The following RPIA variants were observed in gnomAD, a reference collection of about 807,000 sequenced individuals.
RPIA encodes ribose 5-phosphate isomerase A.
A neutral mutation model predicts 37.8 loss-of-function variants in RPIA; 29 were observed. The ratio of observed to expected loss-of-function variants is 0.77; its 90% CI spans 0.57 to 1.05. The LOEUF is 1.05. RPIA is among the 50% of genes least tolerant of loss of function. The pLI is 0.00. For synonymous variants in RPIA, 167 were observed against 157.0 expected (o/e 1.06, Z -0.48); for missense variants, 385 against 413.6 (o/e 0.93, Z 0.60).
At chr2:88,705,423 T>C (rs1339741989) in intron 3 of RPIA, among the ~76,000 whole-genome samples, 1 of 152,202 alleles carries the variant, frequency 6.6e-6, no homozygotes, top group African/African-American at 2.4e-5. Flanking sequence ...TCTACAATCA[T>C]CTGATCTTCG....
chr2:88,727,777 T>C (rs1573473636), intron 3 of RPIA, among the ~76,000 whole-genome samples: 1 of 152,364 alleles, frequency 6.6e-6, no homozygotes, highest in East Asian at 1.9e-4. Context: ...AATCTAAGAA[T>C]TAAGAAATAA....
chr2:88,692,454 C>T (rs1676950147), intron 1 of RPIA, among the ~76,000 whole-genome samples: 1 of 152,164 alleles, frequency 6.6e-6, no homozygotes. Flanking sequence ...CGCGCCGGCC[C>T]CTGAGTGTAC....
At chr2:88,734,906 A>C (rs1673296993) in intron 5 of RPIA, among the ~76,000 whole-genome samples, 1 of 152,208 alleles carries the variant, frequency 6.6e-6, no homozygotes. Flanking sequence ...GCCAAATCAA[A>C]ATAATACTGG....
chr2:88,727,125 G>A (rs1030219587), intron 3 of RPIA, among the ~76,000 whole-genome samples: 1 of 151,910 alleles, frequency 6.6e-6, no homozygotes, highest in Admixed American at 6.5e-5. Context: ...GTGCATGTGT[G>A]CGCATGCGAG....
chr2:88,692,311 A>G (rs10187587), intron 1 of RPIA, among the ~76,000 whole-genome samples: 9,957 of 152,210 alleles, frequency 0.065, 592 homozygotes, highest in African/African-American at 0.16. Flanking sequence ...TGGCCTCCTT[A>G]TCAATAAATG....
rs1485659671 is a variant in RPIA, at chr2:88,750,792, T to G, written c.*714T>G. The G allele has an allele frequency of 2.5e-6, 1 of 398,398 alleles. No homozygotes were observed. Among genetic ancestry groups the G allele is most frequent in the South Asian group, 1.3e-4 (1 of 7,862 alleles). The allele number at this position is 398,398 out of a possible 1,614,324, so 24.7% of individuals were successfully genotyped here. On this transcript the variant is annotated 3_prime_UTR_variant, in exon 9 of 9. Coordinates refer to ENST00000283646, the MANE Select transcript of RPIA (RefSeq NM_144563.3). ...CACTGCTGTGAAATGTGAAGTACTTTGTTTTTTTATTTTTAATGATTTTCT... is the reference window on the plus strand; with the variant it reads ...CACTGCTGTGAAATGTGAAGTACTTGGTTTTTTTATTTTTAATGATTTTCT...
At chr2:88,720,495 A>G (rs1673106723) in intron 3 of RPIA, among the ~76,000 whole-genome samples, 2 of 152,028 alleles carry the variant, frequency 1.3e-5, no homozygotes, top group African/African-American at 4.8e-5. Flanking sequence ...GAACATTATT[A>G]CTTTGCTCCT....
At chr2:88,743,636 A>G (rs1673407891) in intron 8 of RPIA, among the ~76,000 whole-genome samples, 1 of 152,140 alleles carries the variant, frequency 6.6e-6, no homozygotes, top group Non-Finnish European at 1.5e-5. Context: ...AATGTCTGAT[A>G]GAATTCAGCT....
At chr2:88,706,572 A>G (rs1027266971) in intron 3 of RPIA, among the ~76,000 whole-genome samples, 1 of 151,988 alleles carries the variant, frequency 6.6e-6, no homozygotes, top group African/African-American at 2.4e-5. Context: ...GGGGGGAGGG[A>G]GAGCATCAGG....
intron 3 of RPIA, among the ~76,000 whole-genome samples, chr2:88,706,767 C>T (rs894268268): frequency 2.0e-5 from 3 of 151,752 alleles, no homozygotes; most frequent in East Asian, 1.9e-4. Flanking sequence ...ATTTTGGGGA[C>T]AGCACCAACT....
chr2:88,703,980 G>A (rs983862395), intron 3 of RPIA, among the ~76,000 whole-genome samples: 2 of 152,162 alleles, frequency 1.3e-5, no homozygotes, highest in Non-Finnish European at 2.9e-5. Flanking sequence ...AATCTCTGGG[G>A]CAGGGGCAAA....
intron 3 of RPIA, among the ~76,000 whole-genome samples, chr2:88,706,861 T>C (rs1048624801): frequency 5.3e-5 from 8 of 152,084 alleles, no homozygotes; most frequent in African/African-American, 1.7e-4. Context: ...TTGGGAAAAA[T>C]GGGTATTACT....
chr2:88,737,891 T>C, intron 7 of RPIA, 86 bp from the exon 8 acceptor site: 1 of 979,502 alleles, frequency 1.0e-6, no homozygotes, highest in Non-Finnish European at 1.6e-6. Flanking sequence ...AATGCATACT[T>C]GTCTTTGGTT....
At chr2:88,718,654 A>G (rs897329710) in intron 3 of RPIA, among the ~76,000 whole-genome samples, 1 of 152,240 alleles carries the variant, frequency 6.6e-6, no homozygotes, top group Non-Finnish European at 1.5e-5. Flanking sequence ...TGGAAGACAC[A>G]CCATTCAAGT....
intron 8 of RPIA, among the ~76,000 whole-genome samples, chr2:88,744,116 T>C (rs941980460): frequency 6.6e-6 from 1 of 152,212 alleles, no homozygotes; most frequent in African/African-American, 2.4e-5. Context: ...CTGTACTCTT[T>C]CAGAGTTTTT....
chr2:88,734,694 A>G (rs1273616039), intron 5 of RPIA, 78 bp downstream of exon 5: 1 of 1,421,080 alleles, frequency 7.0e-7, no homozygotes, highest in Admixed American at 1.7e-5. Flanking sequence ...TACAGAATAA[A>G]CAAATTGCCA....
At chr2:88,692,711 A>T (rs1026098651) in intron 1 of RPIA, among the ~76,000 whole-genome samples, 2 of 152,100 alleles carry the variant, frequency 1.3e-5, no homozygotes, top group Non-Finnish European at 2.9e-5. Context: ...AAGGAAGCCA[A>T]GTGGAGTATG....
At chr2:88,693,144 G>T (rs1355599664) in intron 1 of RPIA, among the ~76,000 whole-genome samples, 1 of 152,196 alleles carries the variant, frequency 6.6e-6, no homozygotes, top group African/African-American at 2.4e-5. Flanking sequence ...CAAAATATCT[G>T]CATACAGTGA....
intron 3 of RPIA, among the ~76,000 whole-genome samples, chr2:88,720,656 A>T (rs535061821): frequency 6.6e-6 from 1 of 151,024 alleles, no homozygotes; most frequent in African/African-American, 2.4e-5. Flanking sequence ...TATATTTAAT[A>T]GTTATGAGAT....
Sources: allele counts gnomAD v4.1 joint callset (sites outside exome capture counted in the v4.1 genomes callset), GRCh38; gene constraint gnomAD v4.1.1; transcripts MANE v1.5; gene names NCBI Gene and HGNC (gene_info 2026-07-23, HGNC 2026-07-21).